The following RMST variants were observed in gnomAD, a reference collection of about 807,000 sequenced individuals.
RMST encodes long intergenic non-protein coding RNA 54.
chr12:97,509,361 A>G (rs190458107), intron 10 of RMST, among the ~76,000 whole-genome samples: 33 of 151,570 alleles, frequency 2.2e-4, no homozygotes, highest in Admixed American at 3.9e-4. Flanking sequence ...TTAATTCGTT[A>G]TATGGGATAC....
intron 11 of RMST, among the ~76,000 whole-genome samples, chr12:97,539,233 T>C (rs1882317331): frequency 6.6e-6 from 1 of 151,578 alleles, no homozygotes; most frequent in South Asian, 2.1e-4. Context: ...CTTTCAAAGG[T>C]GCTTAATGTA....
At chr12:97,556,933 AT>A (rs542088546) in intron 11 of RMST, among the ~76,000 whole-genome samples, 10 of 151,538 alleles carry the variant, frequency 6.6e-5, no homozygotes, top group South Asian at 4.2e-4. Context: ...ACAACACTGT[AT>A]TTTTTTTTCC....
chr12:97,487,182 G>A (rs1876204854), intron 5 of RMST, among the ~76,000 whole-genome samples: 1 of 152,136 alleles, frequency 6.6e-6, no homozygotes, highest in South Asian at 2.1e-4. Flanking sequence ...TAAAATTTAT[G>A]ATCATCAGAA....
intron 5 of RMST, among the ~76,000 whole-genome samples, chr12:97,479,158 G>A (rs1448347592): frequency 2.6e-4 from 3 of 11,352 alleles, no homozygotes; most frequent in African/African-American, 1.2e-3. Context: ...TTTTTTTTTT[G>A]AGACAAGGTC....
At chr12:97,491,275 T>C (rs17027055) in intron 5 of RMST, among the ~76,000 whole-genome samples, 11,605 of 152,036 alleles carry the variant, frequency 0.076, 667 homozygotes, top group Middle Eastern at 0.13. Context: ...TTTCACAGGG[T>C]GGAGTGTGTT....
chr12:97,467,026 A>G (rs1873272625), intron 5 of RMST, among the ~76,000 whole-genome samples: 1 of 152,086 alleles, frequency 6.6e-6, no homozygotes, highest in Admixed American at 6.5e-5. Flanking sequence ...AGTCAGAGAA[A>G]GCTGAGAAAA....
At chr12:97,482,877 G>T (rs1379190489) in intron 5 of RMST, among the ~76,000 whole-genome samples, 2 of 149,682 alleles carry the variant, frequency 1.3e-5, no homozygotes, top group African/African-American at 4.9e-5. Flanking sequence ...TTAGTGCAGA[G>T]GAACCCAGAA....
At chr12:97,527,759 T>G (rs970171902) in intron 10 of RMST, among the ~76,000 whole-genome samples, 5 of 152,178 alleles carry the variant, frequency 3.3e-5, no homozygotes, top group Admixed American at 6.5e-5. Context: ...GTTTTATTAT[T>G]ATTGCTGTTA....
At chr12:97,535,369 A>T (rs2048713909) in intron 11 of RMST, among the ~76,000 whole-genome samples, 1 of 151,704 alleles carries the variant, frequency 6.6e-6, no homozygotes, top group South Asian at 2.1e-4. Flanking sequence ...GGAATCAGAG[A>T]ACTTCATAAA....
chr12:97,557,390 C>CA, intron 11 of RMST, among the ~76,000 whole-genome samples: 1 of 152,202 alleles, frequency 6.6e-6, no homozygotes, highest in South Asian at 2.1e-4. Flanking sequence ...GTGAGGTGTG[C>CA]ATACTCACTT....
intron 11 of RMST, among the ~76,000 whole-genome samples, chr12:97,553,051 A>G (rs1014952489): frequency 1.4e-4 from 21 of 152,164 alleles, no homozygotes; most frequent in African/African-American, 4.8e-4. Flanking sequence ...ATTGCTGGGG[A>G]TACATTTTGT....
At chr12:97,531,868 T>C (rs917649807) in intron 11 of RMST, among the ~76,000 whole-genome samples, 1 of 151,988 alleles carries the variant, frequency 6.6e-6, no homozygotes, top group African/African-American at 2.4e-5. Context: ...TGGAAACAAA[T>C]TTTGCACAGC....
chr12:97,525,882 C>G (rs925119003), intron 10 of RMST, among the ~76,000 whole-genome samples: 5 of 152,238 alleles, frequency 3.3e-5, no homozygotes, highest in Middle Eastern at 3.4e-3. Flanking sequence ...ACAACCTGAG[C>G]TTCGCCTCCT....
In RMST at chr12:97,482,670, T is replaced by C. The variant is rs1292010553; in HGVS notation, n.645-9791T>C. Among the ~76,000 whole-genome samples the C allele has an allele frequency of 1.6e-5, 2 of 124,196 alleles. 1 individual carries two copies. 81.5% of individuals were successfully genotyped at this position (124,196 alleles called of 152,430 possible). A position where few individuals can be genotyped will look rare whatever the true frequency, so the allele number is the denominator to read the frequency against. On this transcript the variant is annotated intron_variant and non_coding_transcript_variant, in intron 5 of 13. Transcript: ENST00000640149. ...TATTTATTTAATAAATTTATTTATT[T>C]AATATTTAATTTATTTATTATTTAT...
intron 10 of RMST, among the ~76,000 whole-genome samples, chr12:97,503,538 C>T (rs1478527354): frequency 6.6e-6 from 1 of 151,166 alleles, no homozygotes; most frequent in African/African-American, 2.4e-5. Context: ...GCACTGCTAA[C>T]TGGCAAACCA....
At chr12:97,535,052 A>T (rs1432853027) in intron 11 of RMST, among the ~76,000 whole-genome samples, 1 of 151,736 alleles carries the variant, frequency 6.6e-6, no homozygotes, top group Non-Finnish European at 1.5e-5. Flanking sequence ...ATAGTAAAAA[A>T]GTAGTCACAT....
chr12:97,552,923 AG>A (rs1454583675), intron 11 of RMST, among the ~76,000 whole-genome samples: 2 of 152,180 alleles, frequency 1.3e-5, no homozygotes, highest in Non-Finnish European at 2.9e-5. Context: ...TCCAGACAGA[AG>A]GGGGTAAGAG....
chr12:97,525,696 A>T (rs1881023166), intron 10 of RMST, among the ~76,000 whole-genome samples: 1 of 152,180 alleles, frequency 6.6e-6, no homozygotes, highest in African/African-American at 2.4e-5. Context: ...TAAACAGTAT[A>T]TGCAAAAGCC....
intron 11 of RMST, among the ~76,000 whole-genome samples, chr12:97,536,962 G>T (rs117669099): frequency 4.0e-5 from 6 of 151,292 alleles, no homozygotes; most frequent in Admixed American, 4.0e-4. Context: ...TGATCAGTTT[G>T]GTTTATGTTT....
Sources: gnomAD v4.1 joint callset for allele counts (sites outside exome capture counted in the v4.1 genomes callset) on GRCh38, gnomAD v4.1.1 for gene constraint, MANE v1.5 for transcripts, NCBI Gene and HGNC (gene_info 2026-07-23, HGNC 2026-07-21) for gene names.